The following PCNT variants were observed in gnomAD, a reference collection of about 807,000 sequenced individuals.
The protein encoded by PCNT is kendrin.
Under a neutral mutation model 380.4 loss-of-function variants are expected in PCNT, and 319 were observed. The observed-to-expected ratio is 0.84, with a 90% CI of 0.77 to 0.92. The LOEUF is 0.92. PCNT is among the 40% of genes least tolerant of loss of function. The pLI is 0.00. For synonymous variants in PCNT, 1,845 were observed against 1,735.2 expected (o/e 1.06, Z -1.57); for missense variants, 4,400 against 4,255.3 (o/e 1.03, Z -0.95).
chr21:46,424,388 C>T (rs1450376492), intron 32 of PCNT, among the ~76,000 whole-genome samples: 1 of 152,194 alleles, frequency 6.6e-6, no homozygotes, highest in African/African-American at 2.4e-5. Context: ...AGAACCTTCT[C>T]AGCCCTAGTG....
chr21:46,324,796 G>C, intron 1 of PCNT: 3 of 832,696 alleles, frequency 3.6e-6, no homozygotes, highest in Non-Finnish European at 4.3e-6. Flanking sequence ...CGCGGCCGGG[G>C]CCGGGGGCGT....
At chr21:46,389,568 A>C in intron 19 of PCNT, 137 bp downstream of exon 19, 1 of 662,578 alleles carries the variant, frequency 1.5e-6, no homozygotes, top group South Asian at 1.9e-5. Context: ...TCTGAACCAG[A>C]TCTTTGAGGA....
rs780277815 is a variant in PCNT, at chr21:46,397,257, A to G, written c.4217-8A>G. 2 of 1,612,548 alleles carry G rather than the reference A, an allele frequency of 1.2e-6. No individual in the cohort carries two copies. Among genetic ancestry groups the G allele is most frequent in the South Asian group, 1.1e-5 (1 of 91,012 alleles). The stretch of plus-strand genomic sequence containing the variant: ...GTGTCCCCGTGTCTGTCCTGTTTGC[A>G]TCCTTAGCTCTCCGGAAGGAAGTGG... On this transcript the variant is annotated splice_polypyrimidine_tract_variant and splice_region_variant and intron_variant, in intron 21 of 46. Coordinates refer to ENST00000359568, the MANE Select transcript of PCNT (RefSeq NM_006031.6).
intron 26 of PCNT, among the ~76,000 whole-genome samples, chr21:46,402,035 G>C (rs1051006263): frequency 6.6e-6 from 1 of 152,054 alleles, no homozygotes; most frequent in Non-Finnish European, 1.5e-5. Flanking sequence ...GGTATTTTTA[G>C]TAGAGACAGG....
Position 46,346,929 on chromosome 21 carries a change from C to G in PCNT, c.907C>G (p.Leu303Val). Residue 303 changes from leucine (L) to valine (V), a missense_variant, in exon 5 of 47, where the codon CTG (leucine) becomes GTG (valine). Leu to Val is a conservative substitution (Grantham distance 32). Coordinates refer to ENST00000359568, the MANE Select transcript of PCNT (RefSeq NM_006031.6). ...GCTACAGAGCAGGCAGCAGCACGAG[C>G]TGGAGCTCCTCAGGGAGCAGCACGC... ...ALLQSRQQHE[L>V]ELLREQHARE... 2 of 1,599,284 alleles carry G rather than the reference C, an allele frequency of 1.3e-6. No homozygotes were observed. Among genetic ancestry groups the G allele is most frequent in the Non-Finnish European group, 1.7e-6 (2 of 1,174,442 alleles).
Position 46,367,045 on chromosome 21 carries a change from A to T in PCNT, c.3071A>T (p.Glu1024Val). The change falls in exon 15 of 47, where the codon GAA (glutamate) becomes GTA (valine). Residue 1024 changes from glutamate (E) to valine (V), a missense_variant. Transcript: ENST00000359568. Reference protein sequence around the residue: ...QELEKLKRKHEGELQSVRDHL... With the variant: ...QELEKLKRKHVGELQSVRDHL... ...TTGGAGAAACTGAAGCGGAAACACG[A>T]AGGGGAGCTACAGTCTGTGCGGGAC... 4 of 1,614,036 alleles carry T rather than the reference A, an allele frequency of 2.5e-6. No individual in the cohort carries two copies. The highest frequency in any genetic ancestry group is 3.4e-6 in the Non-Finnish European group (4 of 1,180,002).
chr21:46,402,218 T>C, intron 26 of PCNT, 113 bp from the exon 27 acceptor site: 1 of 732,744 alleles, frequency 1.4e-6, no homozygotes. Context: ...TAGTAATTGC[T>C]TTAGGCATGT....
chr21:46,437,116 C>T (rs1423639475), intron 40 of PCNT, 35 bp downstream of exon 40: 22 of 1,462,736 alleles, frequency 1.5e-5, no homozygotes, highest in Non-Finnish European at 2.0e-5. Context: ...CCTGGCCTGG[C>T]TCCTCCCCCA....
At chr21:46,422,780 C>T (rs1032273727) in intron 32 of PCNT, among the ~76,000 whole-genome samples, 4 of 152,184 alleles carry the variant, frequency 2.6e-5, no homozygotes, top group Non-Finnish European at 4.4e-5. Context: ...AGCGTTGCCC[C>T]GAGGTTCCTG....
intron 15 of PCNT, among the ~76,000 whole-genome samples, chr21:46,378,483 G>C (rs1212630451): frequency 1.3e-5 from 2 of 152,182 alleles, no homozygotes; most frequent in African/African-American, 4.8e-5. Flanking sequence ...TCTGATCACC[G>C]AGATGCCTGC....
rs576588762 is a variant in PCNT, at chr21:46,403,810, C to T, written c.5115+1327C>T. ...GAGAATTGTGTGTGTGGTGCCCACG[C>T]GGCACGTGCTCGGTGAATCAACTCA... On this transcript the variant is annotated intron_variant, in intron 27 of 46. Transcript: ENST00000359568. 1.4e-4 allele frequency among the ~76,000 whole-genome samples: 19 copies of T among 131,378 alleles called. 1 individual carries two copies. The highest frequency in any genetic ancestry group is 7.7e-4 in the Admixed American group (10 of 13,052). The allele number at this position is 131,378 out of a possible 152,430, so 86.2% of individuals were successfully genotyped here. A position where few individuals can be genotyped will look rare whatever the true frequency, so the allele number is the denominator to read the frequency against.
chr21:46,342,765 G>A (rs1340552615), intron 3 of PCNT, among the ~76,000 whole-genome samples: 1 of 152,066 alleles, frequency 6.6e-6, no homozygotes, highest in Non-Finnish European at 1.5e-5. Context: ...TCTTGACCTC[G>A]TGATCCGCCT....
At chr21:46,398,960 C>T (rs1160355725) in intron 24 of PCNT, among the ~76,000 whole-genome samples, 1 of 151,844 alleles carries the variant, frequency 6.6e-6, no homozygotes, top group Non-Finnish European at 1.5e-5. Context: ...GCTGGGACTA[C>T]AGGTGCCCGC....
intron 22 of PCNT, 67 bp from the exon 23 acceptor site, chr21:46,397,946 TG>T: frequency 8.1e-7 from 1 of 1,228,398 alleles, no homozygotes; most frequent in Non-Finnish European, 1.2e-6. Flanking sequence ...GAAGCCTGGG[TG>T]GACCTTCGCT....
At chr21:46,344,046 T>C (rs1395073063) in intron 3 of PCNT, among the ~76,000 whole-genome samples, 1 of 151,954 alleles carries the variant, frequency 6.6e-6, no homozygotes, top group Admixed American at 6.6e-5. Flanking sequence ...TCTATCAGTT[T>C]TGTTTATCTT....
In PCNT at chr21:46,412,054, T is replaced by C; in HGVS notation, c.5981T>C (p.Val1994Ala). 1 of 1,607,248 alleles carries C rather than the reference T, an allele frequency of 6.2e-7. No individual in the cohort carries two copies. Among genetic ancestry groups the C allele is most frequent in the Non-Finnish European group, 8.5e-7 (1 of 1,179,802 alleles). Residue 1994 changes from valine to alanine, a missense_variant, in exon 28 of 47, where the codon GTC becomes GCC. By Grantham distance (64) the Val-to-Ala change is moderately conservative (BLOSUM62 0). Coordinates refer to ENST00000359568, the MANE Select transcript of PCNT (RefSeq NM_006031.6). ...CATGATGCTGCTTTGGAGCCGGTTG[T>C]CCCTGACCCACAGGTGGGCTCCCCC... ...ASHDAALEPV[V>A]PDPQGDLQPV...
intron 32 of PCNT, among the ~76,000 whole-genome samples, chr21:46,423,928 A>T (rs1354125387): frequency 1.3e-5 from 2 of 152,038 alleles, no homozygotes; most frequent in Admixed American, 6.5e-5. Context: ...AATCACAAGG[A>T]GTTTTTTTCA....
chr21:46,405,839 G>C (rs534079855), intron 27 of PCNT, among the ~76,000 whole-genome samples: 1 of 152,160 alleles, frequency 6.6e-6, no homozygotes, highest in Non-Finnish European at 1.5e-5. Context: ...GTTAAGGACA[G>C]TATTTTTGTT....
intron 13 of PCNT, among the ~76,000 whole-genome samples, chr21:46,359,243 G>A (rs1245117291): frequency 4.8e-5 from 7 of 146,624 alleles, no homozygotes; most frequent in Non-Finnish European, 7.7e-5. Flanking sequence ...GTGAGCCACC[G>A]AACCTGGCTC....
Sources: gnomAD v4.1 joint callset for allele counts (sites outside exome capture counted in the v4.1 genomes callset) on GRCh38, gnomAD v4.1.1 for gene constraint, MANE v1.5 for transcripts, NCBI Gene and HGNC (gene_info 2026-07-23, HGNC 2026-07-21) for gene names.